Variants in PPARGC1A observed in about 807,000 individuals in gnomAD.
PPARGC1A encodes the protein peroxisome proliferator-activated receptor gamma coactivator 1-alpha.
Under a neutral mutation model 88.7 loss-of-function variants are expected in PPARGC1A, and 25 were observed. The observed-to-expected ratio is 0.28, with a 90% confidence interval of 0.21 to 0.39. The LOEUF (loss-of-function observed/expected upper bound fraction) is 0.39, where lower values mean the gene tolerates loss of function less well. Among genes scored for constraint, PPARGC1A ranks in the 10% least tolerant of loss-of-function variants. PPARGC1A has a pLI of 1.00. For missense variants in PPARGC1A, 880 were observed against 968.7 expected (o/e 0.91, Z 1.22); for synonymous variants, 363 against 355.6 (o/e 1.02, Z -0.24).
At chr4:23,854,363 T>TTAATAC (rs1016441368) in intron 2 of PPARGC1A, among the ~76,000 whole-genome samples, 2 of 152,216 alleles carry the variant, frequency 1.3e-5, no homozygotes, top group African/African-American at 4.8e-5. Context: ...AGGCCTCTCC[T>TTAATAC]AACCTTTGGG....
intron 2 of PPARGC1A, among the ~76,000 whole-genome samples, chr4:23,854,735 G>T (rs1420019842): frequency 6.6e-6 from 1 of 152,114 alleles, no homozygotes; most frequent in Non-Finnish European, 1.5e-5. Flanking sequence ...TGAGGTTGGA[G>T]TGTGTCATTC....
At chr4:24,432,681 T>C in the PPARGC1A span, among the ~76,000 whole-genome samples, 9 of 152,250 alleles carry the variant, frequency 5.9e-5, no homozygotes, top group South Asian at 1.9e-3. Flanking sequence ...CTGGATGGGG[T>C]TGTGTGATCC....
At chr4:24,432,714 T>G in the PPARGC1A span, among the ~76,000 whole-genome samples, 1 of 152,202 alleles carries the variant, frequency 6.6e-6, no homozygotes, top group African/African-American at 2.4e-5. Flanking sequence ...CATACCTCTG[T>G]GAGTGTCTTG....
the PPARGC1A span, among the ~76,000 whole-genome samples, chr4:23,947,281 C>T: frequency 6.8e-6 from 1 of 148,108 alleles, no homozygotes; most frequent in African/African-American, 2.5e-5. Flanking sequence ...AAGTGCTTTA[C>T]ATAGATTAGC....
At chr4:23,830,913 C>T (rs530578848) in intron 3 of PPARGC1A, among the ~76,000 whole-genome samples, 1 of 152,238 alleles carries the variant, frequency 6.6e-6, no homozygotes, top group East Asian at 1.9e-4. Flanking sequence ...TATAGTTTTT[C>T]AATCTTCATA....
the PPARGC1A span, among the ~76,000 whole-genome samples, chr4:23,912,842 G>A: frequency 6.6e-6 from 1 of 150,444 alleles, no homozygotes; most frequent in Non-Finnish European, 1.5e-5. Context: ...AGGCTGGAGT[G>A]CAGTGGCGGG....
At chr4:24,236,096 G>A in the PPARGC1A span, among the ~76,000 whole-genome samples, 2 of 152,186 alleles carry the variant, frequency 1.3e-5, no homozygotes, top group Admixed American at 1.3e-4. Flanking sequence ...AGAAGAAAAC[G>A]AAATTGGTAT....
the PPARGC1A span, among the ~76,000 whole-genome samples, chr4:24,464,319 A>AT: frequency 6.6e-6 from 1 of 152,218 alleles, no homozygotes; most frequent in Non-Finnish European, 1.5e-5. Context: ...GGTTGTTCTC[A>AT]TCCTAAGAGA....
chr4:24,352,850 C>G, the PPARGC1A span, among the ~76,000 whole-genome samples: 1 of 152,194 alleles, frequency 6.6e-6, no homozygotes. Context: ...TGCTTCTTCC[C>G]TGCTCTCATG....
chr4:23,864,026 T>C (rs113297319), intron 2 of PPARGC1A, among the ~76,000 whole-genome samples: 11,084 of 152,194 alleles, frequency 0.073, 508 homozygotes, highest in African/African-American at 0.13. Context: ...GGATTACAGG[T>C]GTGAGTCACT....
intron 2 of PPARGC1A, among the ~76,000 whole-genome samples, chr4:23,867,159 G>A (rs1255270076): frequency 6.6e-6 from 1 of 152,044 alleles, no homozygotes; most frequent in Admixed American, 6.6e-5. Flanking sequence ...CCTTTTCACG[G>A]ACATTTTTAC....
At chr4:24,372,977 C>G in the PPARGC1A span, among the ~76,000 whole-genome samples, 2 of 152,192 alleles carry the variant, frequency 1.3e-5, no homozygotes. Flanking sequence ...CAGATCAACA[C>G]CAGCCCGGGG....
chr4:24,079,997 C>G, the PPARGC1A span, among the ~76,000 whole-genome samples: 1 of 151,942 alleles, frequency 6.6e-6, no homozygotes, highest in Non-Finnish European at 1.5e-5. Flanking sequence ...CTTTACTGCT[C>G]TTCTTTTTCT....
intron 2 of PPARGC1A, among the ~76,000 whole-genome samples, chr4:23,833,157 A>G (rs993095196): frequency 2.0e-5 from 3 of 152,188 alleles, no homozygotes; most frequent in African/African-American, 7.2e-5. Context: ...TATAAAATAT[A>G]ATATTTATTT....
chr4:24,063,734 G>A, the PPARGC1A span, among the ~76,000 whole-genome samples: 332 of 152,202 alleles, frequency 2.2e-3, no homozygotes, highest in African/African-American at 7.6e-3. Context: ...GATGCTGTTC[G>A]AGCTTCCCCC....
At chr4:23,997,497 C>CTTTTTTT in the PPARGC1A span, among the ~76,000 whole-genome samples, 10 of 96,954 alleles carry the variant, frequency 1.0e-4, no homozygotes, top group African/African-American at 1.5e-4. Context: ...CAAGAAAGCC[C>CTTTTTTT]TTTTTTTTTT....
At chr4:24,429,258 T>C in the PPARGC1A span, among the ~76,000 whole-genome samples, 1 of 152,102 alleles carries the variant, frequency 6.6e-6, no homozygotes, top group Non-Finnish European at 1.5e-5. Context: ...TCTCTCTCTC[T>C]CCCTCTGTTT....
the PPARGC1A span, among the ~76,000 whole-genome samples, chr4:24,122,017 A>G: frequency 6.6e-6 from 1 of 151,942 alleles, no homozygotes; most frequent in Admixed American, 6.6e-5. Context: ...AAAAGTTGAG[A>G]GAGAAAAGGG....
the PPARGC1A span, among the ~76,000 whole-genome samples, chr4:23,976,844 G>A: frequency 6.6e-6 from 1 of 152,128 alleles, no homozygotes; most frequent in Non-Finnish European, 1.5e-5. Context: ...ATAAATTTCT[G>A]CTGTTTAAGC....
Sources: allele counts gnomAD v4.1 joint callset (sites outside exome capture counted in the v4.1 genomes callset), GRCh38; gene constraint gnomAD v4.1.1; transcripts MANE v1.5; gene names NCBI Gene and HGNC (gene_info 2026-07-23, HGNC 2026-07-21).